The following CLHC1 variants were observed in gnomAD, a reference collection of about 807,000 sequenced individuals.
The protein encoded by CLHC1 is clathrin heavy chain linker domain-containing protein 1.
Under a neutral mutation model 69.5 loss-of-function variants are expected in CLHC1, and 72 were observed. The observed-to-expected ratio is 1.04, with a 90% CI of 0.86 to 1.26. The LOEUF (loss-of-function observed/expected upper bound fraction) is 1.26, where lower values mean the gene tolerates loss of function less well. Among genes scored for constraint, CLHC1 ranks in the 50% most tolerant of loss-of-function variants. CLHC1 has a pLI of 0.00. For missense variants in CLHC1, 790 were observed against 679.3 expected (o/e 1.16, Z -1.81); for synonymous variants, 223 against 224.3 (o/e 0.99, Z 0.05).
intron 12 of CLHC1, among the ~76,000 whole-genome samples, chr2:55,176,763 AT>A (rs1343816499): frequency 6.6e-6 from 1 of 152,196 alleles, no homozygotes; most frequent in Admixed American, 6.5e-5. Context: ...TGTAATGATA[AT>A]TTCAAAATAT....
At chr2:55,190,936 G>A (rs1670866959) in intron 9 of CLHC1, among the ~76,000 whole-genome samples, 1 of 151,496 alleles carries the variant, frequency 6.6e-6, no homozygotes, top group African/African-American at 2.4e-5. Context: ...CAATCAAAGT[G>A]CCAAAAAAAA....
chr2:55,189,124 T>C (rs1014521440), intron 9 of CLHC1, among the ~76,000 whole-genome samples: 1 of 152,082 alleles, frequency 6.6e-6, no homozygotes, highest in African/African-American at 2.4e-5. Context: ...TAGCAAGCAG[T>C]GAATATTATA....
chr2:55,220,903 T>C (rs1246033799), intron 3 of CLHC1, among the ~76,000 whole-genome samples: 2 of 152,166 alleles, frequency 1.3e-5, no homozygotes, highest in Admixed American at 6.5e-5. Flanking sequence ...GCATATAAAA[T>C]GAAGCTAACC....
chr2:55,193,377 A>C (rs765921205), intron 9 of CLHC1, among the ~76,000 whole-genome samples: 23 of 152,274 alleles, frequency 1.5e-4, no homozygotes, highest in South Asian at 8.3e-4. Context: ...TTGGGAAAAA[A>C]ATATTTGCAA....
intron 3 of CLHC1, among the ~76,000 whole-genome samples, chr2:55,219,049 T>C (rs1673857917): frequency 6.6e-6 from 1 of 152,170 alleles, no homozygotes; most frequent in African/African-American, 2.4e-5. Context: ...TTTGAGTGGG[T>C]GATACTTGTG....
At chr2:55,209,908 G>C in intron 5 of CLHC1, 77 bp from the exon 6 acceptor site, 2 of 882,446 alleles carry the variant, frequency 2.3e-6, no homozygotes, top group Non-Finnish European at 1.8e-6. Context: ...GTCTTAGAAA[G>C]ACAGTTCACT....
At chr2:55,191,348 G>C (rs773487849) in intron 9 of CLHC1, among the ~76,000 whole-genome samples, 2 of 152,138 alleles carry the variant, frequency 1.3e-5, no homozygotes, top group Non-Finnish European at 2.9e-5. Flanking sequence ...TGATTCTCCT[G>C]CCTCAGTCTC....
At chr2:55,197,579 G>C (rs969151543) in intron 9 of CLHC1, among the ~76,000 whole-genome samples, 1 of 152,150 alleles carries the variant, frequency 6.6e-6, no homozygotes, top group African/African-American at 2.4e-5. Context: ...AAAAGAACAA[G>C]AATTCTCTGG....
rs1674205530 is a variant in CLHC1, at chr2:55,222,292, A to G, written c.120T>C (p.Cys40=). 1 of 1,613,792 alleles carries G rather than the reference A, an allele frequency of 6.2e-7. No individual in the cohort carries two copies. Among genetic ancestry groups the G allele is most frequent in the Non-Finnish European group, 8.5e-7 (1 of 1,179,764 alleles). ...ATTCATCAGCAGGTCCTTCCTCACT[A>G]CAGCCCAGTCTTTCAGTTTCTGTAA... The part of the protein sequence containing the change: ...YIITETERLG[C]SEEGPADEYY... The change falls in exon 3 of 13, where the codon TGT becomes TGC. Residue 40 remains cysteine (C), a synonymous_variant. Transcript: ENST00000401408.
intron 11 of CLHC1, 88 bp from the exon 12 acceptor site, chr2:55,177,869 A>C (rs889700577): frequency 1.9e-5 from 18 of 924,396 alleles, no homozygotes; most frequent in Middle Eastern, 6.4e-4. Flanking sequence ...TATACCTGCC[A>C]ATCAACAGTT....
At chr2:55,215,917 T>C (rs1673446618) in intron 4 of CLHC1, 1 of 152,088 alleles carries the variant, frequency 6.6e-6, no homozygotes, top group South Asian at 2.1e-4. Flanking sequence ...TATCTCAACA[T>C]CTAGCCAGCC....
Position 55,229,209 on chromosome 2 carries a change from CAGAT to C in CLHC1, c.-255-1009_-255-1006del, listed in dbSNP as rs1675023021. 6.3e-5 allele frequency among the ~76,000 whole-genome samples: 9 copies of C among 143,150 alleles called. No homozygotes were observed. The South Asian group carries it at 2.0e-3, about 32-fold the overall frequency. 93.9% of individuals were successfully genotyped at this position (143,150 alleles called of 152,430 possible). A position where few individuals can be genotyped will look rare whatever the true frequency, so the allele number is the denominator to read the frequency against. ...ATATATATATAGAAATATAGTATGA[CAGAT>C]AGGGGTTAAGTTGTATGAAGAAAAA... On this transcript the variant is annotated intron_variant, in intron 1 of 12. Coordinates refer to ENST00000401408, the MANE Select transcript of CLHC1 (RefSeq NM_152385.4).
intron 5 of CLHC1, among the ~76,000 whole-genome samples, chr2:55,211,211 G>A (rs540428685): frequency 1.5e-4 from 23 of 151,864 alleles, no homozygotes; most frequent in Non-Finnish European, 2.8e-4. Flanking sequence ...ATATTTGAAA[G>A]TGAATCTAGG....
In CLHC1 at chr2:55,175,448, A is replaced by C. The variant is rs1195303388; in HGVS notation, c.*342T>G. The stretch of plus-strand genomic sequence containing the variant: ...CAGTCTAACACACAGGATACTACCC[A>C]CACCTTCCTCAGTTCTTGCTATCAT... On this transcript the variant is annotated 3_prime_UTR_variant, in exon 13 of 13. Transcript: ENST00000401408. 4.7e-6 allele frequency: 1 copy of C among 211,432 alleles called. No homozygotes were observed. The highest frequency in any genetic ancestry group is 1.0e-4 in the East Asian group (1 of 9,556). The allele number at this position is 211,432 out of a possible 1,614,324, so 13.1% of individuals were successfully genotyped here. A position where few individuals can be genotyped will look rare whatever the true frequency, so the allele number is the denominator to read the frequency against.
At chr2:55,202,613 G>C (rs1672063133) in intron 9 of CLHC1, among the ~76,000 whole-genome samples, 1 of 146,634 alleles carries the variant, frequency 6.8e-6, no homozygotes, top group Non-Finnish European at 1.5e-5. Context: ...AAAACTATTA[G>C]AGGCCAAGCA....
intron 9 of CLHC1, among the ~76,000 whole-genome samples, chr2:55,190,033 C>A (rs923924209): frequency 1.3e-5 from 2 of 152,106 alleles, no homozygotes; most frequent in African/African-American, 4.8e-5. Flanking sequence ...CAAAATTCAG[C>A]ACCATTAAGG....
chr2:55,196,161 T>C (rs918013328), intron 9 of CLHC1, among the ~76,000 whole-genome samples: 3 of 152,108 alleles, frequency 2.0e-5, no homozygotes, highest in African/African-American at 7.2e-5. Context: ...CAGAAGAGAA[T>C]CATCTATCCC....
chr2:55,211,328 C>G (rs150835762), intron 5 of CLHC1, among the ~76,000 whole-genome samples: 1 of 151,690 alleles, frequency 6.6e-6, no homozygotes, highest in Non-Finnish European at 1.5e-5. Flanking sequence ...GGTGAAACCC[C>G]GTCTCTCCTA....
intron 2 of CLHC1, chr2:55,225,144 A>C (rs774790946): frequency 3.2e-4 from 49 of 152,920 alleles, no homozygotes; most frequent in Non-Finnish European, 6.9e-4. Context: ...CTCAGATGTG[A>C]CTAAGAGGGA....
Sources: allele counts gnomAD v4.1 joint callset (sites outside exome capture counted in the v4.1 genomes callset), GRCh38; gene constraint gnomAD v4.1.1; transcripts MANE v1.5; gene names NCBI Gene and HGNC (gene_info 2026-07-23, HGNC 2026-07-21).